WDR47: variants seen among roughly 807,000 people sequenced by gnomAD.
WDR47 encodes the protein WD repeat domain 47.
In WDR47, 32 loss-of-function variants were observed where a neutral mutation model predicts 97.2. The ratio of observed to expected loss-of-function variants is 0.33; its 90% CI spans 0.25 to 0.44. The LOEUF is 0.44. WDR47 is among the 20% of genes least tolerant of loss of function. The probability of loss-of-function intolerance (pLI) is 1.00; values close to 1 mark genes in which losing one functional copy is unlikely to be tolerated. For synonymous variants in WDR47, 375 were observed against 373.5 expected, an observed-to-expected ratio of 1.00 and a Z score of -0.05; for missense variants, 782 against 1,102.3, an observed-to-expected ratio of 0.71 and a Z score of 4.11.
intron 5 of WDR47, among the ~76,000 whole-genome samples, chr1:109,008,715 C>G (rs1002534070): frequency 6.6e-6 from 1 of 152,102 alleles, no homozygotes; most frequent in South Asian, 2.1e-4. Flanking sequence ...TCAAGCGATT[C>G]TCCTGCGTCA....
At position 109,011,049 on chromosome 1, in the gene WDR47, C is replaced by T. The variant is rs1294917323; in HGVS notation, c.997G>A (p.Asp333Asn). The T allele has an allele frequency of 6.2e-7, 1 of 1,614,048 alleles. No individual in the cohort carries two copies. The highest frequency in any genetic ancestry group is 8.5e-7 in the Non-Finnish European group (1 of 1,180,024). ...ATTGGAGAAGTTTTGTTTCCAAGGT[C>T]TGAAATTCTCTTATCATGACTGGTT... is the stretch of plus-strand genomic sequence containing the variant. The part of the protein sequence containing the change: ...GLTSHDKRIS[D>N]LGNKTSPMSH... Residue 333 changes from aspartate to asparagine, a missense_variant, in exon 5 of 15, where the codon GAC becomes AAC. Asp to Asn is a conservative substitution (Grantham distance 23). This residue lies in a region of WDR47 where 428 missense variants were observed against 584.3 expected (regional missense o/e 0.73). Coordinates refer to ENST00000369962, the MANE Select transcript of WDR47 (RefSeq NM_001142551.2).
At chr1:109,001,345 A>G (rs1660172618) in intron 7 of WDR47, among the ~76,000 whole-genome samples, 1 of 152,086 alleles carries the variant, frequency 6.6e-6, no homozygotes, top group African/African-American at 2.4e-5. Flanking sequence ...AAATAAACAC[A>G]CACGTGTGTG....
Position 109,010,988 on chromosome 1 carries a change from A to T in WDR47, c.1058T>A (p.Val353Glu), listed in dbSNP as rs1477974368. ...HSFANFHYPG[V>E]QNLSRSLMLE... is the part of the protein sequence containing the mutation. ...CATGAGACTTCTACTGAGGTTTTGTACCCCTGGATAATGGAAGTTAGCAAA... is the reference window on the plus strand; with the variant it reads ...CATGAGACTTCTACTGAGGTTTTGTTCCCCTGGATAATGGAAGTTAGCAAA... The change falls in exon 5 of 15, where the codon GTA (valine) becomes GAA (glutamate). Residue 353 changes from valine (V) to glutamate (E), a missense_variant. Coordinates refer to ENST00000369962, the MANE Select transcript of WDR47 (RefSeq NM_001142551.2). 1 of 1,614,066 alleles carries T rather than the reference A, an allele frequency of 6.2e-7. No individual in the cohort carries two copies. Among genetic ancestry groups the T allele is most frequent in the East Asian group, 2.2e-5 (1 of 44,866 alleles).
intron 1 of WDR47, among the ~76,000 whole-genome samples, chr1:109,029,734 G>A (rs1039205170): frequency 1.7e-4 from 25 of 149,756 alleles, no homozygotes; most frequent in Non-Finnish European, 2.4e-4. Context: ...AAAATTACCC[G>A]GGCGTGGTGG....
At chr1:109,001,538 T>A (rs1027495603) in intron 7 of WDR47, among the ~76,000 whole-genome samples, 6 of 152,152 alleles carry the variant, frequency 3.9e-5, no homozygotes, top group African/African-American at 1.4e-4. Flanking sequence ...CTCAGCACTT[T>A]ACAAAGATTA....
intron 7 of WDR47, among the ~76,000 whole-genome samples, chr1:109,001,559 T>A (rs951522753): frequency 6.6e-6 from 1 of 152,124 alleles, no homozygotes; most frequent in African/African-American, 2.4e-5. Flanking sequence ...ACTCTATTTA[T>A]CCTCATGGTA....
intron 1 of WDR47, among the ~76,000 whole-genome samples, chr1:109,029,246 C>T (rs973151709): frequency 5.3e-5 from 8 of 152,112 alleles, no homozygotes; most frequent in Non-Finnish European, 1.0e-4. Context: ...AAGAAACTGC[C>T]GGGCGCAGTG....
chr1:108,991,180 T>C, intron 9 of WDR47, 74 bp downstream of exon 9: 2 of 1,440,846 alleles, frequency 1.4e-6, no homozygotes, highest in South Asian at 2.4e-5. Context: ...GGTTCTTTCT[T>C]TGAATTGAAA....
intron 10 of WDR47, among the ~76,000 whole-genome samples, chr1:108,986,186 T>C (rs926603823): frequency 1.3e-5 from 2 of 152,114 alleles, no homozygotes; most frequent in Non-Finnish European, 2.9e-5. Context: ...ACTGGGGTTC[T>C]TAAATGTATC....
intron 1 of WDR47, among the ~76,000 whole-genome samples, chr1:109,040,832 T>C (rs1663304103): frequency 6.6e-6 from 1 of 152,216 alleles, no homozygotes; most frequent in Non-Finnish European, 1.5e-5. Flanking sequence ...TTGAATTTAC[T>C]GTGAAAAAAA....
chr1:108,974,385 T>C (rs1657723745), intron 14 of WDR47, 151 bp downstream of exon 14: 1 of 640,200 alleles, frequency 1.6e-6, no homozygotes, highest in Admixed American at 3.2e-5. Flanking sequence ...TAATTTGCTA[T>C]TATATATCTT....
chr1:108,994,117 G>A (rs1423144685), intron 8 of WDR47, among the ~76,000 whole-genome samples: 1 of 152,306 alleles, frequency 6.6e-6, no homozygotes, highest in East Asian at 1.9e-4. Flanking sequence ...AGTAATAGAG[G>A]CCGGGTGCGG....
chr1:109,012,172 T>G (rs560387352), intron 4 of WDR47, among the ~76,000 whole-genome samples: 1 of 152,268 alleles, frequency 6.6e-6, no homozygotes, highest in African/African-American at 2.4e-5. Flanking sequence ...AATTGAAGCA[T>G]GCCAATGTTC....
At chr1:109,016,986 AATT>A (rs1364009050) in intron 3 of WDR47, among the ~76,000 whole-genome samples, 1 of 152,176 alleles carries the variant, frequency 6.6e-6, no homozygotes, top group African/African-American at 2.4e-5. Flanking sequence ...CTTACAAAAA[AATT>A]ATACGAATTT....
intron 6 of WDR47, 48 bp from the exon 7 acceptor site, chr1:109,002,450 G>T: frequency 7.3e-7 from 1 of 1,375,684 alleles, no homozygotes. Context: ...AACTATGACA[G>T]AATATATCTT....
At chr1:109,024,734 G>C (rs1662080269) in intron 1 of WDR47, 1 of 152,378 alleles carries the variant, frequency 6.6e-6, no homozygotes. Flanking sequence ...CACCACACTA[G>C]GGGAGTAGCC....
At chr1:109,018,024 C>G (rs939351641) in intron 2 of WDR47, among the ~76,000 whole-genome samples, 2 of 151,866 alleles carry the variant, frequency 1.3e-5, no homozygotes, top group African/African-American at 4.8e-5. Flanking sequence ...GCTGGGATTA[C>G]AAGCGTGAGT....
chr1:108,977,255 G>A (rs1165866754), intron 13 of WDR47, among the ~76,000 whole-genome samples: 1 of 152,062 alleles, frequency 6.6e-6, no homozygotes, highest in Non-Finnish European at 1.5e-5. Flanking sequence ...AGGTTCAAGC[G>A]ATTCTCCTGC....
Position 108,971,335 on chromosome 1 carries a change from T to C in WDR47, c.*95A>G. 1 of 1,545,836 alleles carries C rather than the reference T, an allele frequency of 6.5e-7. No individual in the cohort carries two copies. Among genetic ancestry groups the C allele is most frequent in the Non-Finnish European group, 8.8e-7 (1 of 1,136,986 alleles). On this transcript the variant is annotated 3_prime_UTR_variant, in exon 15 of 15. Coordinates refer to ENST00000369962, the MANE Select transcript of WDR47 (RefSeq NM_001142551.2). ...AGGGGCCTCTTCGTGCTAAACCACT[T>C]TCCTGGACACTATGTTCTTCAGATT...
Sources: gnomAD v4.1 joint callset for allele counts (sites outside exome capture counted in the v4.1 genomes callset) on GRCh38, gnomAD v4.1.1 for gene constraint, gnomAD v4.1.1 regional missense constraint, MANE v1.5 for transcripts, NCBI Gene and HGNC (gene_info 2026-07-23, HGNC 2026-07-21) for gene names.